The following MAN1C1 variants were observed in gnomAD, a reference collection of about 807,000 sequenced individuals.
The protein encoded by MAN1C1 is mannosyl-oligosaccharide 1,2-alpha-mannosidase IC.
Under a neutral mutation model 71.5 loss-of-function variants are expected in MAN1C1, and 49 were observed. The ratio of observed to expected loss-of-function variants is 0.69; its 90% CI spans 0.54 to 0.87. MAN1C1 has a LOEUF of 0.87. MAN1C1 is among the 40% of genes least tolerant of loss of function. The pLI is 0.00. For missense variants in MAN1C1, 743 were observed against 835.0 expected (o/e 0.89, Z 1.36); for synonymous variants, 352 against 343.7 (o/e 1.02, Z -0.27).
chr1:25,717,186 G>A (rs2046692229), intron 2 of MAN1C1, among the ~76,000 whole-genome samples: 1 of 152,140 alleles, frequency 6.6e-6, no homozygotes, highest in Non-Finnish European at 1.5e-5. Flanking sequence ...AAGTGGAATT[G>A]TTGGGTCATA....
Position 25,753,528 on chromosome 1 carries a change from G to A in MAN1C1, c.879G>A (p.Pro293=), listed in dbSNP as rs371000685. The change falls in exon 5 of 12, where the codon CCG becomes CCA. Residue 293 remains proline (P), a synonymous_variant. Transcript: ENST00000374332. This position sits in a 1 kb window ranked among gnomAD's most constrained non-coding sequence, Gnocchi z 4.9. The part of the protein sequence containing the change: ...KAIRLGEKLL[P]AFNTPTGIPK... ...TCAGGCTGGGAGAGAAGCTCCTGCC[G>A]GCGTTCAACACCCCCACGGGAATCC... 1.6e-4 allele frequency: 257 copies of A among 1,613,744 alleles called. No homozygotes were observed. The highest frequency in any genetic ancestry group is 1.8e-4 in the Non-Finnish European group (214 of 1,179,910).
chr1:25,715,713 T>A (rs1201570133), intron 2 of MAN1C1, among the ~76,000 whole-genome samples: 1 of 152,174 alleles, frequency 6.6e-6, no homozygotes, highest in African/African-American at 2.4e-5. Flanking sequence ...TTGAGCAGTA[T>A]AGAGCAGAAG....
chr1:25,642,146 C>T (rs977097509), intron 1 of MAN1C1, among the ~76,000 whole-genome samples: 7 of 152,256 alleles, frequency 4.6e-5, no homozygotes, highest in East Asian at 1.9e-4. Context: ...TTGCTTGTCC[C>T]GAAGTCGATT....
intron 1 of MAN1C1, among the ~76,000 whole-genome samples, chr1:25,679,958 T>A (rs955242110): frequency 0.035 from 3,509 of 99,916 alleles, 130 homozygotes; most frequent in African/African-American, 0.12. Context: ...AAAATATATA[T>A]ATATATATAT....
At position 25,778,252 on chromosome 1, in the gene MAN1C1, G is replaced by T; in HGVS notation, c.1405G>T (p.Glu469Ter). 6.2e-7 allele frequency: 1 copy of T among 1,614,076 alleles called. No individual in the cohort carries two copies. Among genetic ancestry groups the T allele is most frequent in the Non-Finnish European group, 8.5e-7 (1 of 1,179,976 alleles). ...IALGAEDAKE[E>*]KRAHYRELAA... ...CCTTGGCGCCGAGGATGCCAAGGAA[G>T]AAAAGAGGGCCCACTACCGAGAGCT... Residue 469 changes from glutamate to a stop codon, truncating the protein, a stop_gained, in exon 9 of 12, where the codon GAA (glutamate) becomes TAA (stop). Transcript: ENST00000374332. LOFTEE classifies it high-confidence loss of function. This position sits in a 1 kb window ranked among gnomAD's most constrained non-coding sequence, Gnocchi z 5.5.
intron 5 of MAN1C1, among the ~76,000 whole-genome samples, chr1:25,754,952 T>C (rs766652204): frequency 6.6e-6 from 1 of 152,234 alleles, no homozygotes; most frequent in Non-Finnish European, 1.5e-5. Context: ...TTGCTAAAAA[T>C]GCCTGGCTCA....
chr1:25,726,996 G>A (rs2124290655), intron 2 of MAN1C1, among the ~76,000 whole-genome samples: 1 of 152,124 alleles, frequency 6.6e-6, no homozygotes, highest in Non-Finnish European at 1.5e-5. Context: ...AGTGGAGGTT[G>A]CAGTGAGCTG....
In MAN1C1 at chr1:25,769,958, C is replaced by T. The variant is rs868109173; in HGVS notation, c.1142-1699C>T. Reference sequence around the variant, plus strand: ...AGGCTTGTGAGAATGCCTGAGCCCCCGCGTGGGGAATGAGGTGGGGAGGGT... The same window carrying T: ...AGGCTTGTGAGAATGCCTGAGCCCCTGCGTGGGGAATGAGGTGGGGAGGGT... On this transcript the variant is annotated intron_variant, in intron 7 of 11. Coordinates refer to ENST00000374332, the MANE Select transcript of MAN1C1 (RefSeq NM_020379.4). This position sits in a 1 kb window ranked among gnomAD's most constrained non-coding sequence, Gnocchi z 4.8. Among the ~76,000 whole-genome samples the T allele has an allele frequency of 3.9e-5, 6 of 152,120 alleles. No individual in the cohort carries two copies. Among genetic ancestry groups the T allele is most frequent in the South Asian group, 2.1e-4 (1 of 4,824 alleles).
chr1:25,687,674 C>T (rs1221530890), intron 2 of MAN1C1, among the ~76,000 whole-genome samples: 2 of 152,166 alleles, frequency 1.3e-5, no homozygotes, highest in African/African-American at 4.8e-5. Context: ...CTGCCCTCCT[C>T]CCCTTCACCA....
intron 1 of MAN1C1, among the ~76,000 whole-genome samples, chr1:25,674,056 C>T (rs189411735): frequency 8.5e-5 from 13 of 152,316 alleles, no homozygotes; most frequent in South Asian, 4.1e-4. Context: ...TAGAACAGAG[C>T]GGTTGGGGAC....
At chr1:25,772,104 G>A (rs1217905376) in intron 8 of MAN1C1, 4 of 272,554 alleles carry the variant, frequency 1.5e-5, no homozygotes, top group Non-Finnish European at 2.8e-5. Context: ...TTTGGCTGAT[G>A]TATCAGAGCC....
At chr1:25,619,936 G>C (rs2045181137) in intron 1 of MAN1C1, among the ~76,000 whole-genome samples, 1 of 152,166 alleles carries the variant, frequency 6.6e-6, no homozygotes. Flanking sequence ...GGTGCCATCA[G>C]ATTTTCAAAC....
At chr1:25,641,029 G>A (rs2045529933) in intron 1 of MAN1C1, among the ~76,000 whole-genome samples, 1 of 152,166 alleles carries the variant, frequency 6.6e-6, no homozygotes, top group South Asian at 2.1e-4. Context: ...ACTCGAAGTC[G>A]ACTTGCCTGT....
rs756375842 is a variant in MAN1C1 at position 25,667,484 on chromosome 1, C to CAAA, written c.541-18938_541-18936dup. ...TGGGCGATGGAGTGAGACTCCATCT[C>CAAA]AAAAAAAAAAAAAAAAAAAAGCAAT... On this transcript the variant is annotated intron_variant, in intron 1 of 11. Coordinates refer to ENST00000374332, the MANE Select transcript of MAN1C1 (RefSeq NM_020379.4). Among the ~76,000 whole-genome samples the CAAA allele has an allele frequency of 4.8e-3, 235 of 49,218 alleles. 5 individuals carry two copies. The highest frequency in any genetic ancestry group is 0.013 in the African/African-American group (198 of 15,682). 32.3% of individuals were successfully genotyped at this position (49,218 alleles called of 152,430 possible). A position where few individuals can be genotyped will look rare whatever the true frequency, so the allele number is the denominator to read the frequency against.
At chr1:25,727,916 A>G (rs2046854656) in intron 2 of MAN1C1, among the ~76,000 whole-genome samples, 1 of 152,212 alleles carries the variant, frequency 6.6e-6, no homozygotes, top group Non-Finnish European at 1.5e-5. Flanking sequence ...ACACATGACA[A>G]GGCTTTGATA....
At chr1:25,667,481 T>C (rs1301273353) in intron 1 of MAN1C1, among the ~76,000 whole-genome samples, 2 of 99,678 alleles carry the variant, frequency 2.0e-5, no homozygotes, top group African/African-American at 6.2e-5. Context: ...TGAGACTCCA[T>C]CTCAAAAAAA....
intron 1 of MAN1C1, among the ~76,000 whole-genome samples, chr1:25,666,235 A>G (rs3767895): frequency 0.19 from 28,682 of 152,164 alleles, 2,969 homozygotes; most frequent in East Asian, 0.37. Flanking sequence ...TTAAATAGCC[A>G]TAGCTATCCA....
intron 2 of MAN1C1, among the ~76,000 whole-genome samples, chr1:25,696,927 G>T (rs1371744214): frequency 6.6e-6 from 1 of 152,212 alleles, no homozygotes; most frequent in Non-Finnish European, 1.5e-5. Context: ...GATTACAGGC[G>T]TGAGCCACCA....
At chr1:25,758,794 T>C (rs2047323674) in intron 6 of MAN1C1, 85 bp downstream of exon 6, 2 of 1,196,602 alleles carry the variant, frequency 1.7e-6, no homozygotes, top group Admixed American at 1.7e-5. Flanking sequence ...GAGTGGGTCC[T>C]CCCTCATGGA....
Sources: allele counts gnomAD v4.1 joint callset (sites outside exome capture counted in the v4.1 genomes callset), GRCh38; gene constraint gnomAD v4.1.1; non-coding constraint Gnocchi (gnomAD v3.1); transcripts MANE v1.5; gene names NCBI Gene and HGNC (gene_info 2026-07-23, HGNC 2026-07-21).